ADAMTS20: variants seen among roughly 807,000 people sequenced by gnomAD.
The protein encoded by ADAMTS20 is A disintegrin and metalloproteinase with thrombospondin motifs 20.
In ADAMTS20, 225 loss-of-function variants were observed where a neutral mutation model predicts 260.1. The observed-to-expected ratio is 0.87, with a 90% CI of 0.78 to 0.97. The LOEUF (loss-of-function observed/expected upper bound fraction) is 0.97, where lower values mean the gene tolerates loss of function less well. Among genes scored for constraint, ADAMTS20 ranks in the 50% least tolerant of loss-of-function variants. The pLI, the probability that ADAMTS20 is intolerant of heterozygous loss-of-function variation, is 0.00. For synonymous variants in ADAMTS20, 802 were observed against 769.5 expected (o/e 1.04, Z -0.70); for missense variants, 2,400 against 2,337.7 (o/e 1.03, Z -0.55).
intron 4 of ADAMTS20, among the ~76,000 whole-genome samples, chr12:43,495,189 GA>G (rs796274105): frequency 6.6e-6 from 1 of 152,050 alleles, no homozygotes; most frequent in African/African-American, 2.4e-5. Context: ...CTAGAATTTG[GA>G]AAAAAATTCC....
intron 11 of ADAMTS20, among the ~76,000 whole-genome samples, chr12:43,460,988 A>ATATATTTTT: frequency 1.5e-4 from 4 of 26,394 alleles, no homozygotes; most frequent in African/African-American, 5.1e-4. Context: ...ATATATATAT[A>ATATATTTTT]TTTTTTTTTT....
chr12:43,488,698 C>A (rs1510523), intron 7 of ADAMTS20, among the ~76,000 whole-genome samples: 1 of 151,936 alleles, frequency 6.6e-6, no homozygotes, highest in Non-Finnish European at 1.5e-5. Flanking sequence ...AGCACCATTA[C>A]GTTAAATAAA....
chr12:43,459,775 GAAAA>G (rs924856481), intron 11 of ADAMTS20, among the ~76,000 whole-genome samples: 1 of 150,550 alleles, frequency 6.6e-6, no homozygotes, highest in Non-Finnish European at 1.5e-5. Flanking sequence ...TATTAGAAGT[GAAAA>G]AAAAATCATA....
At chr12:43,468,434 C>T (rs576506097) in intron 8 of ADAMTS20, among the ~76,000 whole-genome samples, 166 bp downstream of exon 8, 1 of 152,162 alleles carries the variant, frequency 6.6e-6, no homozygotes, top group Non-Finnish European at 1.5e-5. Context: ...TCTGACCTAA[C>T]ATAGATCACA....
chr12:43,477,063 A>C (rs1942368810), intron 7 of ADAMTS20, among the ~76,000 whole-genome samples: 1 of 151,980 alleles, frequency 6.6e-6, no homozygotes, highest in South Asian at 2.1e-4. Flanking sequence ...TAAAAAAAAA[A>C]AAAAAACAAT....
intron 2 of ADAMTS20, among the ~76,000 whole-genome samples, chr12:43,536,391 G>C (rs886709581): frequency 1.3e-5 from 2 of 152,116 alleles, no homozygotes; most frequent in Admixed American, 6.6e-5. Context: ...AACCGTTCTA[G>C]GGGCTAACGA....
chr12:43,432,552 A>C, intron 20 of ADAMTS20, 49 bp downstream of exon 20: 1 of 1,604,782 alleles, frequency 6.2e-7, no homozygotes, highest in East Asian at 2.2e-5. Context: ...ATAAATACGT[A>C]ATTAGAAAGA....
intron 3 of ADAMTS20, among the ~76,000 whole-genome samples, chr12:43,513,122 T>C (rs1040627652): frequency 6.6e-6 from 1 of 152,148 alleles, no homozygotes; most frequent in South Asian, 2.1e-4. Context: ...TGTCCTTTCA[T>C]CTAGTGAACT....
intron 3 of ADAMTS20, among the ~76,000 whole-genome samples, chr12:43,506,767 C>T (rs1158900940): frequency 3.4e-5 from 5 of 148,820 alleles, no homozygotes; most frequent in East Asian, 2.0e-4. Flanking sequence ...CGTGAGCCAC[C>T]GTGCCTGGCC....
chr12:43,524,524 C>T (rs1943115057), intron 3 of ADAMTS20, among the ~76,000 whole-genome samples: 1 of 150,970 alleles, frequency 6.6e-6, no homozygotes, highest in Non-Finnish European at 1.5e-5. Context: ...CTTTGAAATG[C>T]CAGATAAAGA....
chr12:43,425,586 T>G lies in ADAMTS20; in HGVS notation c.4212A>C (p.Pro1404=), dbSNP rs775366377. Residue 1404 remains proline, a synonymous_variant, in exon 28 of 39, where the codon CCA becomes CCC. Transcript: ENST00000389420. ...GCATATGACACTGTATTACGCTAGG[T>G]GGCTTGTTTACAATTTCACAGTTGT... is the stretch of plus-strand genomic sequence containing the variant. The part of the protein sequence containing the change: ...EDHNCEIVNK[P]PSVIQCHMHA... 1.9e-6 allele frequency: 3 copies of G among 1,610,234 alleles called. 1 individual carries two copies. The South Asian group carries it at 3.3e-5, about 18-fold the overall frequency.
At chr12:43,413,984 T>C (rs201608408) in intron 28 of ADAMTS20, among the ~76,000 whole-genome samples, 6 of 152,126 alleles carry the variant, frequency 3.9e-5, no homozygotes, top group African/African-American at 1.4e-4. Flanking sequence ...AAAAACTCTC[T>C]TATGTCCTGA....
chr12:43,429,778 C>G, intron 23 of ADAMTS20, 54 bp from the exon 24 acceptor site: 1 of 1,166,032 alleles, frequency 8.6e-7, no homozygotes, highest in East Asian at 2.6e-5. Context: ...CTGATTTATA[C>G]AAAATCTAAT....
chr12:43,527,777 C>T (rs557215739), intron 3 of ADAMTS20, among the ~76,000 whole-genome samples: 2 of 152,068 alleles, frequency 1.3e-5, no homozygotes, highest in African/African-American at 2.4e-5. Context: ...AGAACTGGAA[C>T]AAGGCAAGGA....
At chr12:43,519,049 T>A (rs1943036968) in intron 3 of ADAMTS20, among the ~76,000 whole-genome samples, 1 of 152,042 alleles carries the variant, frequency 6.6e-6, no homozygotes, top group African/African-American at 2.4e-5. Flanking sequence ...CTAGTTTTTT[T>A]CCCACATAAT....
intron 28 of ADAMTS20, among the ~76,000 whole-genome samples, chr12:43,411,950 C>G (rs1555176106): frequency 6.6e-6 from 1 of 151,894 alleles, no homozygotes; most frequent in Non-Finnish European, 1.5e-5. Context: ...TCAATGTATA[C>G]CATAATATTA....
intron 28 of ADAMTS20, among the ~76,000 whole-genome samples, chr12:43,416,276 T>C (rs888082162): frequency 1.3e-5 from 2 of 152,142 alleles, no homozygotes; most frequent in African/African-American, 4.8e-5. Context: ...AGTCTGTCAC[T>C]TTTCAGTTTA....
At chr12:43,487,354 G>A (rs569263831) in intron 7 of ADAMTS20, among the ~76,000 whole-genome samples, 2 of 129,856 alleles carry the variant, frequency 1.5e-5, no homozygotes, top group East Asian at 4.9e-4. Context: ...ACTTATAAGT[G>A]AAAACTAAGC....
intron 28 of ADAMTS20, among the ~76,000 whole-genome samples, chr12:43,402,204 A>T (rs1217187812): frequency 1.3e-5 from 2 of 151,994 alleles, no homozygotes; most frequent in African/African-American, 4.8e-5. Flanking sequence ...ATGTGTAATA[A>T]CTATCAGCTG....
Sources: allele counts gnomAD v4.1 joint callset (sites outside exome capture counted in the v4.1 genomes callset), GRCh38; gene constraint gnomAD v4.1.1; transcripts MANE v1.5; gene names NCBI Gene and HGNC (gene_info 2026-07-23, HGNC 2026-07-21).